Variants in EPHA6 observed in about 807,000 individuals in gnomAD.
EPHA6 encodes the protein EPH receptor A6.
EPHA6 carries 50 observed loss-of-function variants against 112.0 expected under a neutral mutation model. The ratio of observed to expected loss-of-function variants is 0.45; its 90% confidence interval spans 0.36 to 0.56. The LOEUF is 0.56. Ranked by LOEUF, EPHA6 falls within the 20% of genes least tolerant of loss-of-function variation. The pLI is 0.00. For missense variants in EPHA6, 1,280 were observed against 1,417.4 expected, an observed-to-expected ratio of 0.90 and a Z score of 1.56; for synonymous variants, 529 against 490.7, an observed-to-expected ratio of 1.08 and a Z score of -1.03.
At chr3:97,415,824 C>A (rs973334044) in intron 6 of EPHA6, among the ~76,000 whole-genome samples, 3 of 152,066 alleles carry the variant, frequency 2.0e-5, no homozygotes, top group African/African-American at 7.2e-5. Context: ...TAAAACTCAA[C>A]AATATGCCTG....
At chr3:97,528,848 T>C (rs566545557) in intron 10 of EPHA6, among the ~76,000 whole-genome samples, 58 of 152,242 alleles carry the variant, frequency 3.8e-4, no homozygotes, top group Non-Finnish European at 5.6e-4. Context: ...TCCAGGGAGA[T>C]AGATGGGGTT....
chr3:97,331,719 C>T (rs2082808006), intron 5 of EPHA6, among the ~76,000 whole-genome samples: 1 of 152,084 alleles, frequency 6.6e-6, no homozygotes, highest in South Asian at 2.1e-4. Context: ...TCTGAATAGA[C>T]CAATAACAGG....
At chr3:97,274,778 A>C (rs1028718814) in intron 5 of EPHA6, among the ~76,000 whole-genome samples, 1 of 152,078 alleles carries the variant, frequency 6.6e-6, no homozygotes, top group Non-Finnish European at 1.5e-5. Flanking sequence ...AATATAGGGA[A>C]ATGGGGTGAA....
chr3:96,874,936 G>A (rs2036856985), intron 2 of EPHA6, among the ~76,000 whole-genome samples: 1 of 151,984 alleles, frequency 6.6e-6, no homozygotes, highest in African/African-American at 2.4e-5. Flanking sequence ...AATAACTAAA[G>A]GGAGGCCATT....
At chr3:97,285,276 TC>T in intron 5 of EPHA6, among the ~76,000 whole-genome samples, 1 of 152,252 alleles carries the variant, frequency 6.6e-6, no homozygotes, top group Admixed American at 6.5e-5. Context: ...TGGTCATGAT[TC>T]ATAGATGCAA....
chr3:97,006,185 A>T (rs1222942612), intron 3 of EPHA6, among the ~76,000 whole-genome samples: 1 of 152,212 alleles, frequency 6.6e-6, no homozygotes, highest in African/African-American at 2.4e-5. Flanking sequence ...TAATTTCAGA[A>T]GGAATGGTCC....
intron 2 of EPHA6, among the ~76,000 whole-genome samples, chr3:96,912,783 G>A (rs955263459): frequency 3.3e-5 from 5 of 151,918 alleles, no homozygotes; most frequent in African/African-American, 4.8e-5. Context: ...ATAGTGATGA[G>A]GTCTCACTAT....
At chr3:97,358,760 A>T (rs1321249247) in intron 5 of EPHA6, among the ~76,000 whole-genome samples, 2 of 151,866 alleles carry the variant, frequency 1.3e-5, no homozygotes, top group Non-Finnish European at 2.9e-5. Context: ...TAATCAATTG[A>T]CTCAGGTTTG....
chr3:97,167,298 T>C (rs1046758455), intron 3 of EPHA6, among the ~76,000 whole-genome samples: 6 of 152,106 alleles, frequency 3.9e-5, no homozygotes, highest in Non-Finnish European at 5.9e-5. Context: ...AACCTAAAAG[T>C]AAATCACAAA....
chr3:97,703,508 T>C (rs2033511713), intron 14 of EPHA6, among the ~76,000 whole-genome samples: 1 of 152,122 alleles, frequency 6.6e-6, no homozygotes, highest in Non-Finnish European at 1.5e-5. Flanking sequence ...AGCAATAATA[T>C]GACAAACAGA....
chr3:96,819,206 C>T (rs2033051668), intron 1 of EPHA6, among the ~76,000 whole-genome samples: 1 of 151,938 alleles, frequency 6.6e-6, no homozygotes, highest in East Asian at 1.9e-4. Context: ...TATGAATTTC[C>T]TAAGGGAAAA....
intron 5 of EPHA6, among the ~76,000 whole-genome samples, chr3:97,259,178 G>A (rs1358993561): frequency 6.6e-6 from 1 of 151,678 alleles, no homozygotes; most frequent in Non-Finnish European, 1.5e-5. Context: ...TATAGTTTTT[G>A]AAAAATAAAA....
At chr3:97,063,099 G>C (rs1007651295) in intron 3 of EPHA6, among the ~76,000 whole-genome samples, 1 of 152,192 alleles carries the variant, frequency 6.6e-6, no homozygotes, top group African/African-American at 2.4e-5. Context: ...TACACTGTCG[G>C]TGGGAGTATA....
At chr3:97,689,493 C>T (rs375165393) in intron 14 of EPHA6, among the ~76,000 whole-genome samples, 2 of 152,186 alleles carry the variant, frequency 1.3e-5, no homozygotes, top group East Asian at 3.8e-4. Context: ...AGGCAGGCCT[C>T]TCTATGGCCC....
rs147000343 is a variant in EPHA6 at position 97,389,486 on chromosome 3, A to T, written c.1607-15664A>T. Among the ~76,000 whole-genome samples the T allele has an allele frequency of 4.8e-3, 725 of 152,300 alleles. 7 individuals carry two copies. The highest frequency in any genetic ancestry group is 0.017 in the African/African-American group (701 of 41,564). On this transcript the variant is annotated intron_variant, in intron 5 of 17. Transcript: ENST00000389672. ...TTTTTTGAAATTAATGTTACATTAT[A>T]TTTATTTTCATACCTACTATATAAT...
At chr3:97,736,598 C>T (rs1019197506) in intron 16 of EPHA6, among the ~76,000 whole-genome samples, 6 of 151,430 alleles carry the variant, frequency 4.0e-5, no homozygotes, top group African/African-American at 1.2e-4. Flanking sequence ...TGAATCAGCC[C>T]AGAGGAAGAA....
chr3:97,468,051 G>T (rs2107427471), intron 7 of EPHA6, among the ~76,000 whole-genome samples: 1 of 151,278 alleles, frequency 6.6e-6, no homozygotes, highest in East Asian at 1.9e-4. Flanking sequence ...TGTTGTTTCA[G>T]TGTAGCCACA....
At chr3:96,959,791 G>T (rs918357000) in intron 2 of EPHA6, among the ~76,000 whole-genome samples, 1 of 151,506 alleles carries the variant, frequency 6.6e-6, no homozygotes, top group Non-Finnish European at 1.5e-5. Context: ...AAATCAAAAC[G>T]AAACATAGAA....
intron 10 of EPHA6, among the ~76,000 whole-genome samples, chr3:97,512,274 A>G (rs993912102): frequency 7.9e-5 from 12 of 150,956 alleles, no homozygotes; most frequent in African/African-American, 2.9e-4. Flanking sequence ...GTAATTATCT[A>G]TGAGTATTTT....
Sources: gnomAD v4.1 joint callset for allele counts (sites outside exome capture counted in the v4.1 genomes callset) on GRCh38, gnomAD v4.1.1 for gene constraint, MANE v1.5 for transcripts, NCBI Gene and HGNC (gene_info 2026-07-23, HGNC 2026-07-21) for gene names.